Variants in PELO observed in about 807,000 individuals in gnomAD.
PELO encodes pelota mRNA surveillance and ribosome rescue factor.
In PELO, 19 loss-of-function variants were observed where a neutral mutation model predicts 25.9. That is an observed-to-expected ratio of 0.73 (90% CI 0.51 to 1.08). The LOEUF is 1.08. PELO is among the 50% of genes least tolerant of loss of function. PELO has a pLI of 0.00. For missense variants in PELO, 498 were observed against 491.4 expected (o/e 1.01, Z -0.13); for synonymous variants, 196 against 192.2 (o/e 1.02, Z -0.16).
intron 1 of PELO, among the ~76,000 whole-genome samples, chr5:52,796,245 G>C (rs924480291): frequency 6.6e-6 from 1 of 151,828 alleles, no homozygotes; most frequent in Non-Finnish European, 1.5e-5. Flanking sequence ...TTCTAGCCCA[G>C]TTCTCTTCTT....
At chr5:52,788,618 A>G (rs528148282) in intron 1 of PELO, among the ~76,000 whole-genome samples, 8 of 152,328 alleles carry the variant, frequency 5.3e-5, no homozygotes, top group Admixed American at 3.9e-4. Flanking sequence ...GTGTCTCTCC[A>G]AAGTCCTTCA....
rs1287257926 is a variant in PELO at position 52,800,156 on chromosome 5, G to A, written c.-239G>A. ...AACTGTGTAGGGGTAGATTTTCGCTGCAGTGTTCCCCGAGCCTGTTAGACG... is the reference window on the plus strand; with the variant it reads ...AACTGTGTAGGGGTAGATTTTCGCTACAGTGTTCCCCGAGCCTGTTAGACG... On this transcript the variant is annotated 5_prime_UTR_variant, in exon 2 of 3. Transcript: ENST00000274311. 1 of 552,956 alleles carries A rather than the reference G, an allele frequency of 1.8e-6. No homozygotes were observed. The highest frequency in any genetic ancestry group is 2.0e-5 in the South Asian group (1 of 49,342). 34.3% of individuals were successfully genotyped at this position (552,956 alleles called of 1,614,324 possible).
intron 1 of PELO, among the ~76,000 whole-genome samples, chr5:52,796,016 C>T (rs780304677): frequency 4.9e-4 from 75 of 151,952 alleles, no homozygotes; most frequent in African/African-American, 1.2e-3. Context: ...AAAGATAGCA[C>T]GCAAAATTGA....
At chr5:52,798,455 G>A (rs1306083544) in intron 1 of PELO, among the ~76,000 whole-genome samples, 1 of 152,172 alleles carries the variant, frequency 6.6e-6, no homozygotes, top group Non-Finnish European at 1.5e-5. Context: ...TGAGAAAAAT[G>A]TTGAGACAAG....
intron 1 of PELO, among the ~76,000 whole-genome samples, chr5:52,794,663 CAAAT>C (rs907070233): frequency 2.0e-5 from 3 of 149,562 alleles, no homozygotes; most frequent in African/African-American, 4.9e-5. Context: ...AAAAAAAAAA[CAAAT>C]AAAACAAACA....
chr5:52,801,606 T>A lies in PELO; in HGVS notation c.924T>A (p.Ile308=). ...QVEKANEAMA[I]DTLLISDELF... ...AGAAGGCCAATGAAGCCATGGCAAT[T>A]GACACATTGCTCATCAGCGATGAGC... is the stretch of plus-strand genomic sequence containing the variant. Residue 308 remains isoleucine, a synonymous_variant, in exon 3 of 3, where the codon ATT becomes ATA. Coordinates refer to ENST00000274311, the MANE Select transcript of PELO (RefSeq NM_015946.5). The A allele has an allele frequency of 6.2e-7, 1 of 1,613,948 alleles. No individual in the cohort carries two copies. Among genetic ancestry groups the A allele is most frequent in the Non-Finnish European group, 8.5e-7 (1 of 1,179,810 alleles).
intron 1 of PELO, among the ~76,000 whole-genome samples, chr5:52,795,332 G>C (rs774361453): frequency 6.6e-6 from 1 of 151,722 alleles, no homozygotes; most frequent in Non-Finnish European, 1.5e-5. Context: ...AAAAGATTAG[G>C]TTTGTGTTGC....
Position 52,801,720 on chromosome 5 carries a change from C to G in PELO, c.1038C>G (p.Phe346Leu). The change falls in exon 3 of 3, where the codon TTC (phenylalanine) becomes TTG (leucine). Residue 346 changes from phenylalanine (F) to leucine (L), a missense_variant. Transcript: ENST00000274311. ...AGAATGCAGGCACCGTTAGGATATTCTCTAGTCTTCACGTTTCTGGGGAAC... is the reference window on the plus strand; with the variant it reads ...AGAATGCAGGCACCGTTAGGATATTGTCTAGTCTTCACGTTTCTGGGGAAC... ...VKENAGTVRIFSSLHVSGEQL... is the reference protein window; with the variant it reads ...VKENAGTVRILSSLHVSGEQL... 6.2e-7 allele frequency: 1 copy of G among 1,614,106 alleles called. No homozygotes were observed. The highest frequency in any genetic ancestry group is 1.1e-5 in the South Asian group (1 of 91,080).
rs1748293521 is a variant in PELO at position 52,794,108 on chromosome 5, C to T, written c.-511+5694C>T. ...AATCAATTTTATCCAAACAGGAGAT[C>T]CCTATTAACAAGATAAGTAAGAGAT... On this transcript the variant is annotated intron_variant, in intron 1 of 2. Coordinates refer to ENST00000274311, the MANE Select transcript of PELO (RefSeq NM_015946.5). Among the ~76,000 whole-genome samples, 4 of 151,998 alleles carry T rather than the reference C, an allele frequency of 2.6e-5. No homozygotes were observed. The South Asian group carries it at 6.2e-4, about 24-fold the overall frequency.
In PELO at chr5:52,800,769, C is replaced by A; in HGVS notation, c.375C>A (p.Ile125=). The part of the protein sequence containing the change: ...KQWDSVVLER[I]EQACDPAWSA... ...GGGATAGTGTGGTACTGGAGCGCAT[C>A]GAGCAGGCCTGTGACCCAGCCTGGA... The change falls in exon 2 of 3, where the codon ATC becomes ATA. Residue 125 remains isoleucine, a synonymous_variant. Transcript: ENST00000274311. 1 of 1,614,122 alleles carries A rather than the reference C, an allele frequency of 6.2e-7. No individual in the cohort carries two copies. Among genetic ancestry groups the A allele is most frequent in the Non-Finnish European group, 8.5e-7 (1 of 1,179,992 alleles).
In PELO at chr5:52,788,323, G is replaced by T; in HGVS notation, c.-602G>T. Reference sequence around the variant, plus strand: ...GCCCGGTCCTGCCCTGCGAACCAGCGCGGCCCCCTGGCGCTGAGGCTGCTC... The same window carrying T: ...GCCCGGTCCTGCCCTGCGAACCAGCTCGGCCCCCTGGCGCTGAGGCTGCTC... On this transcript the variant is annotated 5_prime_UTR_variant, in exon 1 of 3. Coordinates refer to ENST00000274311, the MANE Select transcript of PELO (RefSeq NM_015946.5). The T allele has an allele frequency of 6.7e-7, 1 of 1,487,932 alleles. No homozygotes were observed. Among genetic ancestry groups the T allele is most frequent in the Non-Finnish European group, 8.9e-7 (1 of 1,124,634 alleles). 92.2% of individuals were successfully genotyped at this position (1,487,932 alleles called of 1,614,324 possible). A position where few individuals can be genotyped will look rare whatever the true frequency, so the allele number is the denominator to read the frequency against.
In PELO at chr5:52,788,230, C is replaced by T. The variant is rs1316319313; in HGVS notation, c.-695C>T. On this transcript the variant is annotated 5_prime_UTR_variant, in exon 1 of 3. Transcript: ENST00000274311. The stretch of plus-strand genomic sequence containing the variant: ...CTCTCCCGCTCCTGGGCGCCGCTGC[C>T]ACTGGGGCAGAGGACTGGGAACCGC... The T allele has an allele frequency of 3.1e-6, 2 of 648,700 alleles. No homozygotes were observed. Among genetic ancestry groups the T allele is most frequent in the African/African-American group, 1.9e-5 (1 of 51,604 alleles). The allele number at this position is 648,700 out of a possible 1,614,324, so 40.2% of individuals were successfully genotyped here.
At chr5:52,795,229 A>G (rs546998325) in intron 1 of PELO, among the ~76,000 whole-genome samples, 13 of 152,104 alleles carry the variant, frequency 8.5e-5, no homozygotes, top group African/African-American at 3.1e-4. Flanking sequence ...AATAAAAGGT[A>G]GTAAGTCTCT....
In PELO at chr5:52,802,481, T is replaced by C. The variant is rs1271301441; in HGVS notation, c.*641T>C. ...TGTTGTTAGCATTAGTCATATTTGATTTAGAGGGTAACTTAAATCAGTTAT... is the reference window on the plus strand; with the variant it reads ...TGTTGTTAGCATTAGTCATATTTGACTTAGAGGGTAACTTAAATCAGTTAT... On this transcript the variant is annotated 3_prime_UTR_variant, in exon 3 of 3. Transcript: ENST00000274311. The C allele has an allele frequency of 6.6e-6, 1 of 152,206 alleles. No homozygotes were observed. Among genetic ancestry groups the C allele is most frequent in the Admixed American group, 6.5e-5 (1 of 15,278 alleles). The allele number at this position is 152,206 out of a possible 1,614,324, so 9.4% of individuals were successfully genotyped here.
Position 52,788,251 on chromosome 5 carries a change from A to G in PELO, c.-674A>G. 1.1e-6 allele frequency: 1 copy of G among 892,674 alleles called. No individual in the cohort carries two copies. The highest frequency in any genetic ancestry group is 1.6e-6 in the Non-Finnish European group (1 of 634,658). The allele number at this position is 892,674 out of a possible 1,614,324, so 55.3% of individuals were successfully genotyped here. A position where few individuals can be genotyped will look rare whatever the true frequency, so the allele number is the denominator to read the frequency against. On this transcript the variant is annotated 5_prime_UTR_variant, in exon 1 of 3. Coordinates refer to ENST00000274311, the MANE Select transcript of PELO (RefSeq NM_015946.5). ...CTGCCACTGGGGCAGAGGACTGGGA[A>G]CCGCGGCAGCGGGATAAGTGGCCCA...
intron 1 of PELO, among the ~76,000 whole-genome samples, chr5:52,790,060 T>C (rs890445006): frequency 1.3e-5 from 2 of 152,346 alleles, no homozygotes; most frequent in East Asian, 1.9e-4. Flanking sequence ...TTATATTCTG[T>C]AGGCTCTTCT....
chr5:52,801,459 C>T lies in PELO; in HGVS notation c.777C>T (p.Asp259=). The T allele has an allele frequency of 6.2e-7, 1 of 1,614,064 alleles. No homozygotes were observed. The highest frequency in any genetic ancestry group is 1.1e-5 in the South Asian group (1 of 91,078). ...ACTCCCTGAAAGAGGCCCTTTGTGA[C>T]CCTACTGTGGCTAGCCGCCTTTCAG... ...HKYSLKEALC[D]PTVASRLSDT... Residue 259 remains aspartate (D), a synonymous_variant, in exon 3 of 3, where the codon GAC becomes GAT. Coordinates refer to ENST00000274311, the MANE Select transcript of PELO (RefSeq NM_015946.5).
At chr5:52,793,883 A>G (rs1262803572) in intron 1 of PELO, among the ~76,000 whole-genome samples, 1 of 152,072 alleles carries the variant, frequency 6.6e-6, no homozygotes, top group Admixed American at 6.6e-5. Flanking sequence ...CACAGGATTA[A>G]TGACTCTAGC....
rs756878110 is a variant in PELO at position 52,800,593 on chromosome 5, C to G, written c.199C>G (p.Leu67Val). ...CAACCGGGTCCGCACTACCCTCACT[C>G]TCTGCGTGGAGGCCATCGACTTCGA... Reference protein sequence around the residue: ...GSNRVRTTLTLCVEAIDFDSQ... With the variant: ...GSNRVRTTLTVCVEAIDFDSQ... The change falls in exon 2 of 3, where the codon CTC (leucine) becomes GTC (valine). Residue 67 changes from leucine (L) to valine (V), a missense_variant. Leu to Val is a conservative substitution (Grantham distance 32, BLOSUM62 1). Coordinates refer to ENST00000274311, the MANE Select transcript of PELO (RefSeq NM_015946.5). 1.9e-6 allele frequency: 3 copies of G among 1,613,578 alleles called. No homozygotes were observed. Among genetic ancestry groups the G allele is most frequent in the Non-Finnish European group, 1.7e-6 (2 of 1,179,686 alleles).
Sources: allele counts gnomAD v4.1 joint callset (sites outside exome capture counted in the v4.1 genomes callset), GRCh38; gene constraint gnomAD v4.1.1; transcripts MANE v1.5; gene names NCBI Gene and HGNC (gene_info 2026-07-23, HGNC 2026-07-21).